The following GULP1 variants were observed in gnomAD, a reference collection of about 807,000 sequenced individuals.
GULP1 encodes PTB domain-containing engulfment adapter protein 1.
GULP1 carries 19 observed loss-of-function variants against 40.9 expected under a neutral mutation model. That is an observed-to-expected ratio of 0.46 (90% CI 0.32 to 0.68). The LOEUF is 0.68. GULP1 is among the 30% of genes least tolerant of loss of function. The pLI, the probability that GULP1 is intolerant of heterozygous loss-of-function variation, is 0.03. For missense variants in GULP1, 312 were observed against 362.2 expected, an observed-to-expected ratio of 0.86 and a Z score of 1.12; for synonymous variants, 119 against 117.6, an observed-to-expected ratio of 1.01 and a Z score of -0.08.
chr2:188,546,089 CAGAT>C (rs1312136249), intron 7 of GULP1, among the ~76,000 whole-genome samples: 5 of 151,858 alleles, frequency 3.3e-5, no homozygotes, highest in Non-Finnish European at 2.9e-5. Context: ...GAAACAAAAA[CAGAT>C]AGAACTAAAA....
intron 4 of GULP1, among the ~76,000 whole-genome samples, chr2:188,499,898 T>C (rs78879557): frequency 0.042 from 6,347 of 151,842 alleles, 304 homozygotes; most frequent in African/African-American, 0.11. Context: ...AAAGCTGTTT[T>C]CGGGAATGAT....
intron 2 of GULP1, among the ~76,000 whole-genome samples, chr2:188,396,420 A>G (rs566064267): frequency 6.6e-6 from 1 of 152,316 alleles, no homozygotes; most frequent in African/African-American, 2.4e-5. Context: ...CCTCAGCTGT[A>G]CAGAAGAGTC....
At chr2:188,359,639 T>C (rs917546708) in intron 1 of GULP1, among the ~76,000 whole-genome samples, 2 of 152,142 alleles carry the variant, frequency 1.3e-5, no homozygotes, top group Non-Finnish European at 1.5e-5. Flanking sequence ...TTATAGTTAG[T>C]TGTAAATATA....
chr2:188,545,329 C>A (rs1691628888), intron 7 of GULP1, among the ~76,000 whole-genome samples: 1 of 151,428 alleles, frequency 6.6e-6, no homozygotes, highest in African/African-American at 2.4e-5. Context: ...ATGAGTAAAT[C>A]TTTAGTTTTC....
chr2:188,530,668 A>T (rs995430518), intron 6 of GULP1, among the ~76,000 whole-genome samples: 3 of 152,160 alleles, frequency 2.0e-5, no homozygotes, highest in Non-Finnish European at 4.4e-5. Flanking sequence ...CAGAGAAACC[A>T]AACCTACCGA....
intron 1 of GULP1, among the ~76,000 whole-genome samples, chr2:188,357,366 T>G (rs1358641460): frequency 6.6e-6 from 1 of 152,010 alleles, no homozygotes; most frequent in Non-Finnish European, 1.5e-5. Flanking sequence ...AAACAAATAA[T>G]CCCTTTTTAA....
chr2:188,454,018 C>T (rs963339848), intron 2 of GULP1, among the ~76,000 whole-genome samples: 8 of 152,178 alleles, frequency 5.3e-5, no homozygotes, highest in Non-Finnish European at 1.2e-4. Context: ...CCTGGGGACC[C>T]GTATGGCTGG....
intron 1 of GULP1, among the ~76,000 whole-genome samples, chr2:188,334,806 G>T (rs1028306421): frequency 3.3e-5 from 5 of 152,086 alleles, no homozygotes; most frequent in Admixed American, 6.5e-5. Flanking sequence ...ATCATATTTG[G>T]GATAGAAAGG....
At chr2:188,387,204 C>G (rs1254318219) in intron 2 of GULP1, among the ~76,000 whole-genome samples, 1 of 151,758 alleles carries the variant, frequency 6.6e-6, no homozygotes, top group Non-Finnish European at 1.5e-5. Context: ...CCACTGCACT[C>G]CAGCCTGGGC....
intron 9 of GULP1, among the ~76,000 whole-genome samples, chr2:188,573,247 G>A (rs1486886167): frequency 6.7e-6 from 1 of 148,394 alleles, no homozygotes; most frequent in Non-Finnish European, 1.5e-5. Flanking sequence ...ATGTAGCTAT[G>A]AAATAAACTC....
At chr2:188,532,809 C>T (rs1575834711) in intron 6 of GULP1, among the ~76,000 whole-genome samples, 2 of 151,028 alleles carry the variant, frequency 1.3e-5, no homozygotes, top group Admixed American at 1.3e-4. Flanking sequence ...TAATCCCAGC[C>T]ACTCAGGAGG....
intron 7 of GULP1, among the ~76,000 whole-genome samples, chr2:188,552,980 T>C (rs1319522582): frequency 6.6e-6 from 1 of 151,722 alleles, no homozygotes; most frequent in Non-Finnish European, 1.5e-5. Context: ...CTTCTTGCTT[T>C]CCTTCTCAGC....
chr2:188,520,238 A>T (rs1252864781), intron 4 of GULP1, among the ~76,000 whole-genome samples: 2 of 152,124 alleles, frequency 1.3e-5, no homozygotes, highest in African/African-American at 4.8e-5. Context: ...TTTCAAGCAT[A>T]TTAAAAAAGG....
intron 9 of GULP1, among the ~76,000 whole-genome samples, chr2:188,578,286 C>A (rs987707805): frequency 6.6e-6 from 1 of 151,650 alleles, no homozygotes; most frequent in African/African-American, 2.4e-5. Context: ...TTTTATATTT[C>A]TTTTTGTTGT....
At chr2:188,513,488 G>A (rs907820308) in intron 4 of GULP1, among the ~76,000 whole-genome samples, 7 of 152,116 alleles carry the variant, frequency 4.6e-5, no homozygotes, top group African/African-American at 1.4e-4. Flanking sequence ...GCTTAATATT[G>A]TCATTGGCCG....
chr2:188,415,962 A>G (rs1040938753), intron 2 of GULP1, among the ~76,000 whole-genome samples: 4 of 152,198 alleles, frequency 2.6e-5, no homozygotes, highest in African/African-American at 9.6e-5. Context: ...CCTTTCTGCA[A>G]ATGTTTTGCC....
chr2:188,531,306 A>G (rs769790239), intron 6 of GULP1, among the ~76,000 whole-genome samples: 2 of 152,224 alleles, frequency 1.3e-5, no homozygotes, highest in Non-Finnish European at 2.9e-5. Flanking sequence ...ATTGTAGCTT[A>G]TGGAATAGCG....
At chr2:188,541,107 T>C (rs1270908394) in intron 6 of GULP1, 74 bp from the exon 7 acceptor site, 7 of 1,264,730 alleles carry the variant, frequency 5.5e-6, no homozygotes, top group African/African-American at 3.0e-5. Flanking sequence ...TCACATGTTA[T>C]TAACACAAAC....
intron 7 of GULP1, among the ~76,000 whole-genome samples, chr2:188,562,338 C>T (rs1696519755): frequency 6.6e-6 from 1 of 152,188 alleles, no homozygotes; most frequent in Non-Finnish European, 1.5e-5. Context: ...CTCACTCACC[C>T]TTTTCCCATG....
Sources: allele counts gnomAD v4.1 joint callset (sites outside exome capture counted in the v4.1 genomes callset), GRCh38; gene constraint gnomAD v4.1.1; transcripts MANE v1.5; gene names NCBI Gene and HGNC (gene_info 2026-07-23, HGNC 2026-07-21).